SLC4A4: variants seen among roughly 807,000 people sequenced by gnomAD.
SLC4A4 encodes solute carrier family 4 member 4.
SLC4A4 carries 27 observed loss-of-function variants against 111.5 expected under a neutral mutation model. The observed-to-expected ratio is 0.24, with a 90% confidence interval of 0.18 to 0.33. The LOEUF is 0.33. Among genes scored for constraint, SLC4A4 ranks in the 10% least tolerant of loss-of-function variants. The pLI is 1.00. For synonymous variants in SLC4A4, 443 were observed against 463.4 expected, an observed-to-expected ratio of 0.96 and a Z score of 0.57; for missense variants, 909 against 1,315.5, an observed-to-expected ratio of 0.69 and a Z score of 4.78.
At chr4:71,306,089 T>C (rs1365930820) in intron 3 of SLC4A4, among the ~76,000 whole-genome samples, 3 of 152,240 alleles carry the variant, frequency 2.0e-5, no homozygotes, top group Non-Finnish European at 4.4e-5. Context: ...TTTCTTGTTA[T>C]AGCTCCTCTA....
Position 71,090,780 on chromosome 4 carries a change from T to G in SLC4A4, c.-64-1950T>G, listed in dbSNP as rs376690372. The stretch of plus-strand genomic sequence containing the variant: ...TCCGAAATTATTGTGAAACAATTAG[T>G]CAGAGTTGTTCAGAGAAAGGCTGTT... On this transcript the variant is annotated intron_variant, in intron 1 of 26. Coordinates refer to the SLC4A4 transcript ENST00000649996. 8.5e-5 allele frequency among the ~76,000 whole-genome samples: 13 copies of G among 152,296 alleles called. No individual in the cohort carries two copies. The East Asian group carries it at 1.2e-3, about 14-fold the overall frequency.
At chr4:71,183,127 ATCTTAAGCTCC>A (rs538075619), upstream of SLC4A4, among the ~76,000 whole-genome samples, 102 of 152,322 alleles carry the variant, frequency 6.7e-4, no homozygotes, top group African/African-American at 2.4e-3. Context: ...TTGGGGTATT[ATCTTAAGCTCC>A]TTGATTTTAA....
intron 3 of SLC4A4, among the ~76,000 whole-genome samples, chr4:71,334,871 A>T (rs1029359309): frequency 6.6e-6 from 1 of 152,166 alleles, no homozygotes; most frequent in African/African-American, 2.4e-5. Flanking sequence ...CCGAGCAGGG[A>T]TATGTAGTAT....
At chr4:71,283,670 A>T (rs1284410110) in intron 3 of SLC4A4, among the ~76,000 whole-genome samples, 3 of 152,224 alleles carry the variant, frequency 2.0e-5, no homozygotes, top group Admixed American at 1.3e-4. Context: ...GATTGTATCC[A>T]TTAAGCATGT....
chr4:71,531,961 A>G (rs1334980516), intron 16 of SLC4A4, 101 bp from the exon 17 acceptor site: 3 of 739,272 alleles, frequency 4.1e-6, no homozygotes, highest in Non-Finnish European at 7.3e-6. Flanking sequence ...AGCTGTTGCT[A>G]TAAACTATTA....
intron 14 of SLC4A4, among the ~76,000 whole-genome samples, chr4:71,473,590 C>A (rs1232833528): frequency 6.6e-6 from 1 of 151,664 alleles, no homozygotes; most frequent in Non-Finnish European, 1.5e-5. Flanking sequence ...ATTGTAGAAT[C>A]CAGAAGGACA....
intron 3 of SLC4A4, among the ~76,000 whole-genome samples, chr4:71,293,142 C>T (rs887482562): frequency 6.6e-6 from 1 of 151,340 alleles, no homozygotes; most frequent in African/African-American, 2.4e-5. Flanking sequence ...CACCCGGCCT[C>T]AATTTTGTTT....
In SLC4A4 at chr4:71,197,169, C is replaced by T. The variant is rs568603178; in HGVS notation, c.-2+9768C>T. On this transcript the variant is annotated intron_variant, in intron 1 of 25. Coordinates refer to ENST00000264485, the MANE Select transcript of SLC4A4 (RefSeq NM_001098484.3). ...GGTGGGGGTTGCAGTGAGGTGAGGT[C>T]GCACCACTGCACTCCAGCCTGGGCG... is the stretch of plus-strand genomic sequence containing the variant. 3.3e-4 allele frequency among the ~76,000 whole-genome samples: 50 copies of T among 151,528 alleles called. 1 individual carries two copies. Among genetic ancestry groups the T allele is most frequent in the African/African-American group, 1.2e-3 (48 of 41,298 alleles).
chr4:71,264,061 C>T (rs560715302), intron 3 of SLC4A4, among the ~76,000 whole-genome samples: 72 of 152,082 alleles, frequency 4.7e-4, no homozygotes, highest in African/African-American at 1.6e-3. Context: ...AGGCTGTTTG[C>T]GGAGTTTTTT....
chr4:71,529,845 G>A (rs1456534744), intron 16 of SLC4A4, among the ~76,000 whole-genome samples: 4 of 152,094 alleles, frequency 2.6e-5, no homozygotes, highest in Non-Finnish European at 5.9e-5. Context: ...TTGTAAGGGT[G>A]GTAAATAAGA....
At chr4:71,074,001 C>T (rs1414481024) in intron 1 of SLC4A4, among the ~76,000 whole-genome samples, 1 of 151,816 alleles carries the variant, frequency 6.6e-6, no homozygotes, top group Non-Finnish European at 1.5e-5. Flanking sequence ...GGAAAGACCA[C>T]TTGAGCCCGG....
At chr4:71,498,466 A>C (rs1229693350) in intron 16 of SLC4A4, among the ~76,000 whole-genome samples, 4 of 152,174 alleles carry the variant, frequency 2.6e-5, no homozygotes, top group African/African-American at 9.6e-5. Flanking sequence ...GATTTATATC[A>C]GTGACCTGCT....
chr4:71,492,530 C>T (rs1197784567), intron 15 of SLC4A4, among the ~76,000 whole-genome samples: 2 of 151,876 alleles, frequency 1.3e-5, no homozygotes, highest in African/African-American at 4.8e-5. Context: ...ACCCATTTAC[C>T]TAAACAATCT....
intron 7 of SLC4A4, among the ~76,000 whole-genome samples, chr4:71,421,076 G>A (rs1329223692): frequency 1.3e-5 from 2 of 148,848 alleles, no homozygotes; most frequent in African/African-American, 4.9e-5. Flanking sequence ...TCAGTGTGCT[G>A]TATTCAGGAA....
In SLC4A4 at chr4:71,166,974, G is replaced by T. The variant is rs538643758; in HGVS notation, c.-1-69602G>T. On this transcript the variant is annotated intron_variant, in intron 2 of 26. Coordinates refer to the SLC4A4 transcript ENST00000649996. ...GATCTGAATACCACTGCTGCTTGAT[G>T]AATTATTACAAAACTTAGTAACTTA... 3.9e-5 allele frequency among the ~76,000 whole-genome samples: 6 copies of T among 152,202 alleles called. No homozygotes were observed. The South Asian group carries it at 1.2e-3, about 32-fold the overall frequency.
chr4:71,467,137 T>C (rs1727445646), intron 13 of SLC4A4, among the ~76,000 whole-genome samples: 1 of 152,070 alleles, frequency 6.6e-6, no homozygotes, highest in South Asian at 2.1e-4. Flanking sequence ...TCCTTGGCCT[T>C]TTCAAGCCTG....
At chr4:71,236,847 A>T (rs1211895167) in intron 2 of SLC4A4, among the ~76,000 whole-genome samples, 198 bp downstream of exon 2, 1 of 152,250 alleles carries the variant, frequency 6.6e-6, no homozygotes, top group African/African-American at 2.4e-5. Flanking sequence ...ATCTGATTCA[A>T]TATGGGTCTT....
chr4:71,468,825 T>C (rs1727619699), intron 13 of SLC4A4, among the ~76,000 whole-genome samples: 3 of 151,950 alleles, frequency 2.0e-5, no homozygotes, highest in African/African-American at 7.2e-5. Context: ...GACTTTAGCA[T>C]GCAAGTGATC....
intron 2 of SLC4A4, among the ~76,000 whole-genome samples, chr4:71,238,870 G>A (rs1361320929): frequency 6.6e-6 from 1 of 152,132 alleles, no homozygotes; most frequent in Non-Finnish European, 1.5e-5. Context: ...AGTATAAAAC[G>A]GTTGAAATGG....
Sources: gnomAD v4.1 joint callset for allele counts (sites outside exome capture counted in the v4.1 genomes callset) on GRCh38, gnomAD v4.1.1 for gene constraint, MANE v1.5 for transcripts, NCBI Gene and HGNC (gene_info 2026-07-23, HGNC 2026-07-21) for gene names.